MIPOL1: variants seen among roughly 807,000 people sequenced by gnomAD.
MIPOL1 encodes the protein mirror-image polydactyly 1, also known as mirror-image polydactyly gene 1 protein.
In MIPOL1, 57 loss-of-function variants were observed where a neutral mutation model predicts 60.9. That is an observed-to-expected ratio of 0.94 (90% CI 0.76 to 1.17). The LOEUF is 1.17. MIPOL1 is among the 50% of genes most tolerant of loss of function. The probability of loss-of-function intolerance (pLI) is 0.00; values close to 1 mark genes in which losing one functional copy is unlikely to be tolerated. For synonymous variants in MIPOL1, 179 were observed against 168.8 expected, an observed-to-expected ratio of 1.06 and a Z score of -0.47; for missense variants, 551 against 511.6, an observed-to-expected ratio of 1.08 and a Z score of -0.74.
intron 9 of MIPOL1, among the ~76,000 whole-genome samples, chr14:37,341,119 T>TTAG (rs776955807): frequency 1.3e-5 from 2 of 152,198 alleles, no homozygotes; most frequent in Non-Finnish European, 2.9e-5. Flanking sequence ...ATAGCCTAAT[T>TTAG]ATGCATTTCT....
intron 10 of MIPOL1, among the ~76,000 whole-genome samples, chr14:37,394,336 A>G (rs1955951): frequency 0.99 from 150,773 of 151,862 alleles, 74,855 homozygotes; most frequent in Middle Eastern, 1. Context: ...AGGAATTTTC[A>G]CGCTGTTTTC....
Position 37,531,471 on chromosome 14 carries a change from T to C in MIPOL1, c.1263-15434T>C, listed in dbSNP as rs114093235. The stretch of plus-strand genomic sequence containing the variant: ...ATAATAAATGAACAAAAAATATATA[T>C]ATTAATATATTACTAGCATGATATA... On this transcript the variant is annotated intron_variant, in intron 12 of 12. Transcript: ENST00000684589. Among the ~76,000 whole-genome samples, 458 of 152,102 alleles carry C rather than the reference T, an allele frequency of 3.0e-3. 3 individuals are homozygous for C. Among genetic ancestry groups the C allele is most frequent in the African/African-American group, 0.01 (425 of 41,534 alleles).
At chr14:37,537,889 G>T (rs558332366) in intron 12 of MIPOL1, among the ~76,000 whole-genome samples, 1 of 152,294 alleles carries the variant, frequency 6.6e-6, no homozygotes, top group East Asian at 1.9e-4. Context: ...CACCATATTT[G>T]CCAAGTATCA....
At chr14:37,251,542 G>C (rs76200097) in intron 3 of MIPOL1, among the ~76,000 whole-genome samples, 2,980 of 151,118 alleles carry the variant, frequency 0.02, 95 homozygotes, top group African/African-American at 0.067. Flanking sequence ...TCTATTTAAG[G>C]GTTCTCTTTT....
chr14:37,445,525 C>T (rs2094319658), intron 11 of MIPOL1, among the ~76,000 whole-genome samples: 1 of 151,126 alleles, frequency 6.6e-6, no homozygotes, highest in East Asian at 1.9e-4. Flanking sequence ...TCAATGCCAT[C>T]CCCATCAAGC....
At chr14:37,243,840 T>C (rs1277382583) in intron 1 of MIPOL1, among the ~76,000 whole-genome samples, 1 of 152,180 alleles carries the variant, frequency 6.6e-6, no homozygotes, top group East Asian at 1.9e-4. Context: ...TACAATTTTT[T>C]AGGCAGATTA....
intron 11 of MIPOL1, among the ~76,000 whole-genome samples, chr14:37,440,406 A>G (rs1407170496): frequency 6.6e-6 from 1 of 152,106 alleles, no homozygotes; most frequent in African/African-American, 2.4e-5. Flanking sequence ...TAAGTAATTT[A>G]TCATTATCTA....
chr14:37,445,782 G>A lies in MIPOL1; in HGVS notation c.1031+22833G>A, dbSNP rs1299386549. The stretch of plus-strand genomic sequence containing the variant: ...GAAATAACACCGCATATCTACAACT[G>A]TCTGATCTTTGACAAACCTGAGAAA... On this transcript the variant is annotated intron_variant, in intron 11 of 12. Coordinates refer to ENST00000684589, the MANE Select transcript of MIPOL1 (RefSeq NM_001388067.1). 1.4e-3 allele frequency among the ~76,000 whole-genome samples: 214 copies of A among 152,018 alleles called. 3 individuals are homozygous for A. The highest frequency in any genetic ancestry group is 4.5e-3 in the African/African-American group (185 of 41,474).
intron 11 of MIPOL1, among the ~76,000 whole-genome samples, chr14:37,481,564 C>T (rs1360491196): frequency 2.9e-5 from 2 of 69,234 alleles, no homozygotes; most frequent in African/African-American, 9.1e-5. Context: ...CCCCCCAACA[C>T]ACACACACAC....
At chr14:37,213,125 A>T (rs1169588858) in intron 1 of MIPOL1, among the ~76,000 whole-genome samples, 1 of 152,198 alleles carries the variant, frequency 6.6e-6, no homozygotes, top group Non-Finnish European at 1.5e-5. Flanking sequence ...GACAGTGAAG[A>T]CTACAATAAA....
intron 9 of MIPOL1, 28 bp downstream of exon 9, chr14:37,308,547 T>C: frequency 7.0e-7 from 1 of 1,427,728 alleles, no homozygotes; most frequent in Non-Finnish European, 9.2e-7. Context: ...TGTAAAAGCA[T>C]ATACTTACCA....
At chr14:37,214,622 A>T (rs542260378) in intron 1 of MIPOL1, among the ~76,000 whole-genome samples, 232 of 152,280 alleles carry the variant, frequency 1.5e-3, no homozygotes, top group African/African-American at 5.3e-3. Flanking sequence ...CCAATATTAT[A>T]ATAATTCTTG....
intron 12 of MIPOL1, among the ~76,000 whole-genome samples, chr14:37,520,052 G>A (rs979927344): frequency 6.6e-6 from 1 of 152,066 alleles, no homozygotes; most frequent in African/African-American, 2.4e-5. Context: ...GACCTTAAAT[G>A]TTGATCTAAA....
chr14:37,457,621 A>AT (rs1180975982), intron 11 of MIPOL1, among the ~76,000 whole-genome samples: 1 of 152,068 alleles, frequency 6.6e-6, no homozygotes, highest in East Asian at 1.9e-4. Flanking sequence ...TTCAGCAAAG[A>AT]TTTTCTCATA....
chr14:37,418,111 A>G (rs1595690631), intron 10 of MIPOL1, among the ~76,000 whole-genome samples: 1 of 152,328 alleles, frequency 6.6e-6, no homozygotes, highest in East Asian at 1.9e-4. Flanking sequence ...GTTCTAAGAT[A>G]AAAACCAATT....
intron 11 of MIPOL1, among the ~76,000 whole-genome samples, chr14:37,458,893 T>C (rs1477473989): frequency 1.3e-5 from 2 of 150,738 alleles, no homozygotes; most frequent in East Asian, 2.0e-4. Context: ...AAATAGAAAA[T>C]AAACAGTTTG....
intron 1 of MIPOL1, among the ~76,000 whole-genome samples, chr14:37,246,591 A>G (rs1973240075): frequency 1.3e-5 from 2 of 152,090 alleles, no homozygotes; most frequent in Admixed American, 1.3e-4. Flanking sequence ...TAGACTGTCA[A>G]TGTTTCTTGT....
chr14:37,412,588 A>G (rs1329877941), intron 10 of MIPOL1, among the ~76,000 whole-genome samples: 2 of 152,166 alleles, frequency 1.3e-5, no homozygotes, highest in African/African-American at 4.8e-5. Context: ...TTGTATTGAT[A>G]TAAGTTTCAA....
At chr14:37,217,648 T>C (rs762753642) in intron 1 of MIPOL1, among the ~76,000 whole-genome samples, 2 of 152,162 alleles carry the variant, frequency 1.3e-5, no homozygotes, top group Non-Finnish European at 2.9e-5. Flanking sequence ...AACCATACAA[T>C]CATTTCAATT....
Sources: gnomAD v4.1 joint callset for allele counts (sites outside exome capture counted in the v4.1 genomes callset) on GRCh38, gnomAD v4.1.1 for gene constraint, MANE v1.5 for transcripts, NCBI Gene and HGNC (gene_info 2026-07-23, HGNC 2026-07-21) for gene names.